Variants in KIF18A observed in about 807,000 individuals in gnomAD.
KIF18A encodes kinesin family member 18A, also known as kinesin-like protein KIF18A.
A neutral mutation model predicts 103.3 loss-of-function variants in KIF18A; 67 were observed. That is an observed-to-expected ratio of 0.65 (90% CI 0.53 to 0.79). The LOEUF (loss-of-function observed/expected upper bound fraction) is 0.79. Ranked by LOEUF, KIF18A falls within the 30% of genes least tolerant of loss-of-function variation. KIF18A has a pLI of 0.00. For synonymous variants in KIF18A, 367 were observed against 355.5 expected (o/e 1.03, Z -0.36); for missense variants, 1,032 against 1,062.5 (o/e 0.97, Z 0.40).
At chr11:28,068,291 G>A (rs866393522) in intron 11 of KIF18A, among the ~76,000 whole-genome samples, 23 of 151,934 alleles carry the variant, frequency 1.5e-4, no homozygotes, top group South Asian at 2.1e-4. Context: ...GCAAGGGGAG[G>A]GAGAGCATTA....
chr11:28,048,353 T>C (rs1034677583), intron 13 of KIF18A, among the ~76,000 whole-genome samples: 29 of 152,048 alleles, frequency 1.9e-4, no homozygotes, highest in African/African-American at 7.0e-4. Context: ...AATAATAAAG[T>C]GAAAACAAAC....
Position 28,035,512 on chromosome 11 carries a change from CAAAT to C in KIF18A, c.2397-22_2397-19del. On this transcript the variant is annotated intron_variant, in intron 14 of 16. Transcript: ENST00000263181. ...GATCAAGCCTGTATATTAATAGTGACAAATAAAAAATAATAATTTTGATTTGAAC... is the reference window on the plus strand; with the variant it reads ...GATCAAGCCTGTATATTAATAGTGACAAAAAATAATAATTTTGATTTGAAC... 7.3e-7 allele frequency: 1 copy of C among 1,365,726 alleles called. No homozygotes were observed. Among genetic ancestry groups the C allele is most frequent in the Non-Finnish European group, 9.9e-7 (1 of 1,008,698 alleles). The allele number at this position is 1,365,726 out of a possible 1,614,324, so 84.6% of individuals were successfully genotyped here. A position where few individuals can be genotyped will look rare whatever the true frequency, so the allele number is the denominator to read the frequency against.
chr11:28,042,411 G>A (rs1032588243), intron 13 of KIF18A, among the ~76,000 whole-genome samples: 1 of 151,850 alleles, frequency 6.6e-6, no homozygotes, highest in African/African-American at 2.4e-5. Flanking sequence ...GACAGTTCCA[G>A]GCATAGACAT....
Position 28,069,191 on chromosome 11 carries a change from A to G in KIF18A, c.1590+68T>C, listed in dbSNP as rs1850976802. 4 of 1,220,608 alleles carry G rather than the reference A, an allele frequency of 3.3e-6. No individual in the cohort carries two copies. The South Asian group carries it at 5.1e-5, about 16-fold the overall frequency. 75.6% of individuals were successfully genotyped at this position (1,220,608 alleles called of 1,614,324 possible). On this transcript the variant is annotated intron_variant, in intron 11 of 16. Transcript: ENST00000263181. The stretch of plus-strand genomic sequence containing the variant: ...TCTTATGAAAGACATTTACTCAATA[A>G]GAAAAAGAACACATTTTAGGAGCTC...
chr11:28,074,751 T>C (rs1010201060), intron 10 of KIF18A, among the ~76,000 whole-genome samples: 2 of 152,138 alleles, frequency 1.3e-5, no homozygotes, highest in Non-Finnish European at 2.9e-5. Context: ...TTATTACTTC[T>C]GTGAAAGTAG....
intron 1 of KIF18A, among the ~76,000 whole-genome samples, chr11:28,105,486 C>T (rs770393061): frequency 2.0e-5 from 3 of 152,118 alleles, no homozygotes; most frequent in Non-Finnish European, 4.4e-5. Context: ...TTCTTATACA[C>T]AATGGAATGA....
chr11:28,041,938 C>CT (rs36074580), intron 13 of KIF18A, among the ~76,000 whole-genome samples: 84 of 148,634 alleles, frequency 5.7e-4, no homozygotes, highest in Admixed American at 4.1e-3. Flanking sequence ...CTTTGGCATT[C>CT]TTTTTTTTTT....
chr11:28,025,169 G>T (rs1431715034), intron 15 of KIF18A, among the ~76,000 whole-genome samples: 2 of 152,002 alleles, frequency 1.3e-5, no homozygotes, highest in Non-Finnish European at 2.9e-5. Context: ...TGAATAAGGG[G>T]TGACTACTCA....
At chr11:28,025,502 C>G (rs937239652) in intron 15 of KIF18A, among the ~76,000 whole-genome samples, 1 of 151,740 alleles carries the variant, frequency 6.6e-6, no homozygotes, top group Admixed American at 6.6e-5. Flanking sequence ...GTTCCAGGAC[C>G]CTACTTTTTA....
At chr11:28,083,148 T>A (rs1590702994) in intron 8 of KIF18A, 21 bp downstream of exon 8, 2 of 1,572,730 alleles carry the variant, frequency 1.3e-6, no homozygotes, top group East Asian at 2.3e-5. Context: ...AAGACTAGCA[T>A]AAAAATATAA....
chr11:28,026,438 C>CTAG (rs1455076068), intron 15 of KIF18A, among the ~76,000 whole-genome samples: 2 of 151,714 alleles, frequency 1.3e-5, no homozygotes, highest in Non-Finnish European at 3.0e-5. Flanking sequence ...TAATCATGTA[C>CTAG]ATTTCTAGCA....
At chr11:28,072,613 A>C (rs1238388813) in intron 10 of KIF18A, among the ~76,000 whole-genome samples, 1 of 152,148 alleles carries the variant, frequency 6.6e-6, no homozygotes, top group East Asian at 1.9e-4. Context: ...CAATAACTCA[A>C]GAGTTTTTAT....
intron 13 of KIF18A, among the ~76,000 whole-genome samples, chr11:28,054,552 A>C (rs1025432193): frequency 3.9e-5 from 6 of 152,222 alleles, no homozygotes; most frequent in Admixed American, 2.0e-4. Flanking sequence ...TTAAGTAAAA[A>C]GAATATAGTT....
rs112596664 is a variant in KIF18A, at chr11:28,028,504, G to A, written c.2505-4654C>T. Among the ~76,000 whole-genome samples, 5 of 152,178 alleles carry A rather than the reference G, an allele frequency of 3.3e-5. 1 individual carries two copies. The highest frequency in any genetic ancestry group is 1.2e-4 in the African/African-American group (5 of 41,524). Reference sequence around the variant, plus strand: ...ACGAGAACAAAGACATGACATACCAGAATCTCTGGGACACATTTAAAGCAG... The same window carrying A: ...ACGAGAACAAAGACATGACATACCAAAATCTCTGGGACACATTTAAAGCAG... On this transcript the variant is annotated intron_variant, in intron 15 of 16. Coordinates refer to ENST00000263181, the MANE Select transcript of KIF18A (RefSeq NM_031217.4).
chr11:28,036,316 A>C lies in KIF18A; in HGVS notation c.2297T>G (p.Leu766Trp). The C allele has an allele frequency of 6.2e-7, 1 of 1,610,790 alleles. No homozygotes were observed. Among genetic ancestry groups the C allele is most frequent in the Non-Finnish European group, 8.5e-7 (1 of 1,177,832 alleles). ...TTCACATATAGTAAATGTAGAGTCC[A>C]AGTCCTCCTGTCCACATTCTTTTCT... ...NRRKECGQED[L>W]DSTFTICEDI... is the part of the protein sequence containing the mutation. Residue 766 changes from leucine (L) to tryptophan (W), a missense_variant, in exon 14 of 17, where the codon TTG becomes TGG. By Grantham distance (61) the Leu-to-Trp change is moderately conservative (BLOSUM62 -2). Coordinates refer to ENST00000263181, the MANE Select transcript of KIF18A (RefSeq NM_031217.4).
intron 15 of KIF18A, among the ~76,000 whole-genome samples, chr11:28,033,433 CA>C (rs1220296178): frequency 1.3e-5 from 2 of 151,328 alleles, no homozygotes; most frequent in Non-Finnish European, 3.0e-5. Flanking sequence ...ACACTACTCA[CA>C]ATAGCCAAGA....
At chr11:28,088,851 CTAAT>C (rs1181768070) in intron 5 of KIF18A, 130 bp from the exon 6 acceptor site, 17 of 704,502 alleles carry the variant, frequency 2.4e-5, no homozygotes, top group South Asian at 2.2e-4. Context: ...AAGGTATAAT[CTAAT>C]TGATATTTAA....
chr11:28,088,217 G>C (rs969168064), intron 6 of KIF18A, among the ~76,000 whole-genome samples: 4 of 152,002 alleles, frequency 2.6e-5, no homozygotes, highest in Non-Finnish European at 4.4e-5. Flanking sequence ...TTGCTGTGTA[G>C]TGATCACTTT....
At chr11:28,071,494 TTTA>T (rs1305823098) in intron 10 of KIF18A, among the ~76,000 whole-genome samples, 3 of 149,090 alleles carry the variant, frequency 2.0e-5, no homozygotes, top group African/African-American at 4.9e-5. Context: ...TTTATTATAT[TTTA>T]TTAATATAAT....
Sources: gnomAD v4.1 joint callset for allele counts (sites outside exome capture counted in the v4.1 genomes callset) on GRCh38, gnomAD v4.1.1 for gene constraint, MANE v1.5 for transcripts, NCBI Gene and HGNC (gene_info 2026-07-23, HGNC 2026-07-21) for gene names.